Variants in ST3GAL6 observed in about 807,000 individuals in gnomAD.
ST3GAL6 encodes ST3 beta-galactoside alpha-2,3-sialyltransferase 6.
ST3GAL6 carries 31 observed loss-of-function variants against 40.5 expected under a neutral mutation model. The observed-to-expected ratio is 0.77, with a 90% CI of 0.58 to 1.03. The LOEUF (loss-of-function observed/expected upper bound fraction) is 1.03, where lower values mean the gene tolerates loss of function less well. ST3GAL6 is among the 50% of genes least tolerant of loss of function. The pLI is 0.00. For synonymous variants in ST3GAL6, 129 were observed against 136.9 expected (o/e 0.94, Z 0.40); for missense variants, 357 against 393.2 (o/e 0.91, Z 0.78).
rs145362438 is a variant in ST3GAL6 at position 98,739,177 on chromosome 3, C to A, written c.-12+6645C>A. ...AGAACAAAGATACAGTATACCAGAT[C>A]TCTGGGACACAGCTAAAGCACTGCT... On this transcript the variant is annotated intron_variant, in intron 1 of 9. Coordinates refer to the ST3GAL6 transcript ENST00000265261. Among the ~76,000 whole-genome samples the A allele has an allele frequency of 1.1e-3, 174 of 152,278 alleles. 1 individual carries two copies. The Middle Eastern group carries it at 0.02, about 18-fold the overall frequency.
chr3:98,742,672 A>G (rs1471630430), intron 1 of ST3GAL6, among the ~76,000 whole-genome samples: 3 of 149,574 alleles, frequency 2.0e-5, no homozygotes, highest in Admixed American at 1.3e-4. Context: ...CTTGGCCCTT[A>G]TATTTTTCTT....
Position 98,733,378 on chromosome 3 carries a change from G to C in ST3GAL6, c.-12+846G>C, listed in dbSNP as rs72930981. 564 of 1,047,630 alleles carry C rather than the reference G, an allele frequency of 5.4e-4. 4 individuals carry two copies. The African/African-American group carries it at 9.1e-3, about 17-fold the overall frequency. 64.9% of individuals were successfully genotyped at this position (1,047,630 alleles called of 1,614,324 possible). On this transcript the variant is annotated intron_variant, in intron 1 of 9. Coordinates refer to the ST3GAL6 transcript ENST00000265261. The stretch of plus-strand genomic sequence containing the variant: ...TGGGACCCTCTTTTGTCGAATCGCC[G>C]GCGAGGTTGTGCAATTGGGAAGCCA...
rs59002492 is a variant in ST3GAL6 at position 98,752,685 on chromosome 3, A to G, written c.-11-15745A>G. Among the ~76,000 whole-genome samples the G allele has an allele frequency of 2.0e-3, 308 of 152,042 alleles. 6 individuals are homozygous for G. The East Asian group carries it at 0.049, about 24-fold the overall frequency. ...ACGGGGTTTCACCGTGTTAGCCAGGATGGTCTCGATCTCCTGACCTCGTGA... is the reference window on the plus strand; with the variant it reads ...ACGGGGTTTCACCGTGTTAGCCAGGGTGGTCTCGATCTCCTGACCTCGTGA... On this transcript the variant is annotated intron_variant, in intron 1 of 9. Transcript: ENST00000265261.
At chr3:98,762,739 G>C (rs1427230575), upstream of ST3GAL6, 6 of 953,068 alleles carry the variant, frequency 6.3e-6, no homozygotes, top group Non-Finnish European at 7.5e-6. Flanking sequence ...GGTTATTATA[G>C]TTTTCTATAA....
At chr3:98,780,348 T>A (rs1939976168) in intron 5 of ST3GAL6, among the ~76,000 whole-genome samples, 2 of 152,222 alleles carry the variant, frequency 1.3e-5, no homozygotes, top group Non-Finnish European at 2.9e-5. Flanking sequence ...CGTAAATCTT[T>A]GCAATATCCT....
upstream of ST3GAL6, among the ~76,000 whole-genome samples, chr3:98,759,492 A>G (rs1199342392): frequency 6.6e-6 from 1 of 152,238 alleles, no homozygotes; most frequent in Non-Finnish European, 1.5e-5. Context: ...TGAAATAAGT[A>G]AATATTATTG....
intron 3 of ST3GAL6, among the ~76,000 whole-genome samples, chr3:98,771,426 AT>A (rs939740005): frequency 1.3e-5 from 2 of 152,194 alleles, no homozygotes; most frequent in Admixed American, 1.3e-4. Flanking sequence ...ATGATTGTTG[AT>A]TGTGGCTCTT....
At chr3:98,747,377 C>T (rs776308989) in intron 1 of ST3GAL6, among the ~76,000 whole-genome samples, 1 of 152,138 alleles carries the variant, frequency 6.6e-6, no homozygotes, top group Non-Finnish European at 1.5e-5. Context: ...TAGGTATCTT[C>T]GGATGACTTG....
intron 1 of ST3GAL6, among the ~76,000 whole-genome samples, chr3:98,764,074 C>G (rs1938074359): frequency 6.6e-6 from 1 of 152,158 alleles, no homozygotes; most frequent in Non-Finnish European, 1.5e-5. Context: ...TTTGTGTGTG[C>G]TCAGCATCCG....
chr3:98,743,000 CTTT>C (rs71120599), intron 1 of ST3GAL6, among the ~76,000 whole-genome samples: 1 of 89,488 alleles, frequency 1.1e-5, no homozygotes, highest in Non-Finnish European at 2.1e-5. Context: ...ATGCCAGGCT[CTTT>C]TTTTTTTTTT....
intron 1 of ST3GAL6, among the ~76,000 whole-genome samples, chr3:98,763,808 T>G (rs536690024): frequency 6.6e-6 from 1 of 150,624 alleles, no homozygotes; most frequent in East Asian, 1.9e-4. Context: ...AATGCAGACG[T>G]TGGAAAAGTG....
At chr3:98,755,370 T>C (rs1328968549) in intron 1 of ST3GAL6, among the ~76,000 whole-genome samples, 1 of 152,156 alleles carries the variant, frequency 6.6e-6, no homozygotes, top group African/African-American at 2.4e-5. Flanking sequence ...AGATTGAACA[T>C]AATAAACTGT....
intron 2 of ST3GAL6, among the ~76,000 whole-genome samples, chr3:98,768,973 G>C (rs140579241): frequency 5.0e-4 from 76 of 152,258 alleles, no homozygotes; most frequent in African/African-American, 1.7e-3. Context: ...GCTTTGACTT[G>C]AAATACCACA....
chr3:98,774,698 C>G (rs1415394850), intron 5 of ST3GAL6, among the ~76,000 whole-genome samples: 1 of 152,190 alleles, frequency 6.6e-6, no homozygotes, highest in Admixed American at 6.5e-5. Flanking sequence ...GCAGAACTTA[C>G]CCTCTTGCCC....
intron 9 of ST3GAL6, among the ~76,000 whole-genome samples, chr3:98,793,221 A>G (rs1014136561): frequency 2.0e-4 from 30 of 152,244 alleles, no homozygotes; most frequent in African/African-American, 6.8e-4. Flanking sequence ...ATATTAAAAC[A>G]ACTTCCTCAG....
intron 1 of ST3GAL6, among the ~76,000 whole-genome samples, chr3:98,756,916 T>C (rs1165001716): frequency 6.6e-6 from 1 of 152,232 alleles, no homozygotes; most frequent in Non-Finnish European, 1.5e-5. Context: ...ACCAGCTTTA[T>C]ATTGGGCAAG....
At chr3:98,747,233 A>G (rs1338266596) in intron 1 of ST3GAL6, among the ~76,000 whole-genome samples, 1 of 152,184 alleles carries the variant, frequency 6.6e-6, no homozygotes, top group Non-Finnish European at 1.5e-5. Flanking sequence ...AATTGGTTAT[A>G]AGAAGACTAT....
chr3:98,780,415 A>G (rs971077120), intron 5 of ST3GAL6, among the ~76,000 whole-genome samples: 1 of 152,220 alleles, frequency 6.6e-6, no homozygotes, highest in Non-Finnish European at 1.5e-5. Context: ...AAGCATTGGC[A>G]TGATTTCCTA....
At chr3:98,785,981 T>C (rs182827062) in intron 6 of ST3GAL6, among the ~76,000 whole-genome samples, 113 of 152,244 alleles carry the variant, frequency 7.4e-4, no homozygotes, top group African/African-American at 2.6e-3. Context: ...CAAGGATGCC[T>C]CCTACTCTGT....
Sources: gnomAD v4.1 joint callset for allele counts (sites outside exome capture counted in the v4.1 genomes callset) on GRCh38, gnomAD v4.1.1 for gene constraint, MANE v1.5 for transcripts, NCBI Gene and HGNC (gene_info 2026-07-23, HGNC 2026-07-21) for gene names.